Variants in TRIM4 observed in about 807,000 individuals in gnomAD.
TRIM4 encodes E3 ubiquitin-protein ligase TRIM4.
In TRIM4, 29 loss-of-function variants were observed where a neutral mutation model predicts 33.7. The observed-to-expected ratio is 0.86, with a 90% confidence interval of 0.64 to 1.17. TRIM4 has a LOEUF of 1.17. Among genes scored for constraint, TRIM4 ranks in the 50% most tolerant of loss-of-function variants. The pLI, the probability that TRIM4 is intolerant of heterozygous loss-of-function variation, is 0.00. For synonymous variants in TRIM4, 224 were observed against 233.0 expected (o/e 0.96, Z 0.35); for missense variants, 554 against 593.7 (o/e 0.93, Z 0.69).
intron 1 of TRIM4, among the ~76,000 whole-genome samples, chr7:99,911,665 A>G (rs1452913358): frequency 6.6e-6 from 1 of 152,242 alleles, no homozygotes. Context: ...TGGCAAGGGT[A>G]TGGAGCAACT....
intron 1 of TRIM4, among the ~76,000 whole-genome samples, chr7:99,917,453 C>T (rs1819580300): frequency 1.3e-5 from 2 of 152,228 alleles, no homozygotes; most frequent in Admixed American, 1.3e-4. Context: ...GGAAAGCTTG[C>T]TCACGCCTGT....
rs1328268403 is a variant in TRIM4, at chr7:99,908,656, T to G, written c.646A>C (p.Thr216Pro). ...ATGAGCTTCTTCAATGAAGCGATAG[T>G]TTGATTGAGTTTTAACGTGTTCTCA... The part of the protein sequence containing the change: ...LNENTLKLNQ[T>P]IASLKKLILE... Residue 216 changes from threonine (T) to proline (P), a missense_variant, in exon 3 of 6, where the codon ACT (threonine) becomes CCT (proline). By Grantham distance (38) the Thr-to-Pro change is conservative (BLOSUM62 -1). This residue lies in a region of TRIM4 where 290 missense variants were observed against 335.8 expected (regional missense o/e 0.86). Transcript: ENST00000349062. The G allele has an allele frequency of 1.2e-6, 2 of 1,614,154 alleles. No homozygotes were observed. The highest frequency in any genetic ancestry group is 4.5e-5 in the East Asian group (2 of 44,872).
chr7:99,911,224 A>G (rs1199167300), intron 1 of TRIM4, among the ~76,000 whole-genome samples: 2 of 152,312 alleles, frequency 1.3e-5, no homozygotes, highest in African/African-American at 2.4e-5. Flanking sequence ...GATTCTATAG[A>G]GTAAGAGGAT....
At chr7:99,895,956 T>G (rs1265061964) in intron 5 of TRIM4, among the ~76,000 whole-genome samples, 1 of 152,172 alleles carries the variant, frequency 6.6e-6, no homozygotes, top group Non-Finnish European at 1.5e-5. Context: ...TATTTTTTTT[T>G]TTTAGCCAAT....
At chr7:99,910,591 AT>A (rs1435124430) in intron 1 of TRIM4, among the ~76,000 whole-genome samples, 1 of 152,184 alleles carries the variant, frequency 6.6e-6, no homozygotes, top group Non-Finnish European at 1.5e-5. Context: ...ATGTGTGTGT[AT>A]TTGTATGTGA....
rs1033835091 is a variant in TRIM4, at chr7:99,892,019, A to G, written c.*144T>C. ...GGACTGCCTCTTGTGAAGCACACAAAGGGCAGATACCAAACGGTACCGTTA... is the reference window on the plus strand; with the variant it reads ...GGACTGCCTCTTGTGAAGCACACAAGGGGCAGATACCAAACGGTACCGTTA... On this transcript the variant is annotated 3_prime_UTR_variant, in exon 6 of 6. Coordinates refer to ENST00000349062, the MANE Select transcript of TRIM4 (RefSeq NM_033091.3). 5 of 722,418 alleles carry G rather than the reference A, an allele frequency of 6.9e-6. No homozygotes were observed. Among genetic ancestry groups the G allele is most frequent in the Non-Finnish European group, 1.1e-5 (5 of 455,854 alleles). The allele number at this position is 722,418 out of a possible 1,614,324, so 44.8% of individuals were successfully genotyped here. A position where few individuals can be genotyped will look rare whatever the true frequency, so the allele number is the denominator to read the frequency against.
At chr7:99,905,529 A>C (rs976254909) in intron 3 of TRIM4, among the ~76,000 whole-genome samples, 1 of 152,226 alleles carries the variant, frequency 6.6e-6, no homozygotes, top group Non-Finnish European at 1.5e-5. Flanking sequence ...ACAGTACTAT[A>C]CAGCGGGCAC....
chr7:99,896,518 A>C (rs1317094953), intron 5 of TRIM4, among the ~76,000 whole-genome samples: 1 of 152,210 alleles, frequency 6.6e-6, no homozygotes, highest in Non-Finnish European at 1.5e-5. Context: ...CTGCTCCTGG[A>C]CCACCCAGCA....
intron 5 of TRIM4, 61 bp from the exon 6 acceptor site, chr7:99,892,807 G>A: frequency 1.7e-5 from 24 of 1,389,008 alleles, no homozygotes; most frequent in Non-Finnish European, 2.4e-5. Flanking sequence ...CCCCAGAAAT[G>A]CCCATCTTTT....
intron 5 of TRIM4, among the ~76,000 whole-genome samples, chr7:99,892,981 A>G (rs573494233): frequency 2.0e-5 from 3 of 152,290 alleles, no homozygotes; most frequent in African/African-American, 7.2e-5. Context: ...AGGCGCAGTG[A>G]CTCATGCCTG....
intron 5 of TRIM4, among the ~76,000 whole-genome samples, chr7:99,894,969 T>C (rs1423724701): frequency 6.6e-6 from 1 of 152,168 alleles, no homozygotes; most frequent in Non-Finnish European, 1.5e-5. Context: ...TTTCTGATCA[T>C]TTTGATTAAA....
intron 5 of TRIM4, among the ~76,000 whole-genome samples, chr7:99,896,038 ATT>A (rs1819009481): frequency 6.6e-6 from 1 of 151,492 alleles, no homozygotes; most frequent in South Asian, 2.1e-4. Context: ...GTATGATTAG[ATT>A]TGTGTCTATT....
At chr7:99,910,900 C>G (rs1423909919) in intron 1 of TRIM4, among the ~76,000 whole-genome samples, 3 of 152,176 alleles carry the variant, frequency 2.0e-5, no homozygotes, top group Non-Finnish European at 4.4e-5. Context: ...AAGAGAAAAA[C>G]CCACAGGAAC....
chr7:99,909,519 A>G (rs778971772), intron 2 of TRIM4, 46 bp downstream of exon 2: 7 of 1,565,974 alleles, frequency 4.5e-6, no homozygotes, highest in South Asian at 2.2e-5. Context: ...GTCCCAGACC[A>G]AAAGGACCTC....
At chr7:99,900,254 C>T (rs1819127550) in intron 5 of TRIM4, among the ~76,000 whole-genome samples, 1 of 152,188 alleles carries the variant, frequency 6.6e-6, no homozygotes, top group African/African-American at 2.4e-5. Flanking sequence ...AGGTAGTATG[C>T]TTTAGAAATC....
rs768068498 is a variant in TRIM4 at position 99,908,629 on chromosome 7, A to G, written c.673T>C (p.Leu225=). The change falls in exon 3 of 6, where the codon TTA becomes CTA. Residue 225 remains leucine (L), a synonymous_variant. Coordinates refer to ENST00000349062, the MANE Select transcript of TRIM4 (RefSeq NM_033091.3). ...QTIASLKKLI[L]EVGEKSQAPT... The stretch of plus-strand genomic sequence containing the variant: ...GCCTGGCTCTTCTCCCCCACCTCTA[A>G]GATGAGCTTCTTCAATGAAGCGATA... 1.2e-5 allele frequency: 20 copies of G among 1,613,954 alleles called. No homozygotes were observed. The highest frequency in any genetic ancestry group is 1.7e-5 in the Non-Finnish European group (20 of 1,179,994).
At chr7:99,917,612 G>A (rs752019648) in intron 1 of TRIM4, among the ~76,000 whole-genome samples, 5 of 152,150 alleles carry the variant, frequency 3.3e-5, no homozygotes, top group African/African-American at 4.8e-5. Context: ...CCAGCTACTC[G>A]GTAAGCTGAG....
At chr7:99,904,180 A>T (rs967628562) in intron 3 of TRIM4, among the ~76,000 whole-genome samples, 11 of 152,196 alleles carry the variant, frequency 7.2e-5, no homozygotes, top group African/African-American at 1.9e-4. Context: ...AAAATTACAG[A>T]CCCATTTTAC....
intron 1 of TRIM4, chr7:99,917,904 T>C (rs1415951742): frequency 3.1e-6 from 3 of 955,176 alleles, no homozygotes; most frequent in African/African-American, 3.5e-5. Context: ...TAGATGTGGG[T>C]AGAGAAAGAG....
Sources: allele counts gnomAD v4.1 joint callset (sites outside exome capture counted in the v4.1 genomes callset), GRCh38; gene constraint gnomAD v4.1.1; regional missense constraint gnomAD v4.1.1; transcripts MANE v1.5; gene names NCBI Gene and HGNC (gene_info 2026-07-23, HGNC 2026-07-21).